Variants in FAM185A observed in about 807,000 individuals in gnomAD.
FAM185A encodes the protein protein FAM185A.
FAM185A carries 21 observed loss-of-function variants against 45.7 expected under a neutral mutation model. The observed-to-expected ratio is 0.46, with a 90% CI of 0.33 to 0.66. FAM185A has a LOEUF of 0.66. Among genes scored for constraint, FAM185A ranks in the 30% least tolerant of loss-of-function variants. The pLI, the probability that FAM185A is intolerant of heterozygous loss-of-function variation, is 0.03. For missense variants in FAM185A, 305 were observed against 485.4 expected, an observed-to-expected ratio of 0.63 and a Z score of 3.49; for synonymous variants, 117 against 194.0, an observed-to-expected ratio of 0.60 and a Z score of 3.30.
intron 4 of FAM185A, among the ~76,000 whole-genome samples, chr7:102,763,724 C>T (rs1451282375): frequency 2.6e-5 from 4 of 152,202 alleles, no homozygotes; most frequent in Non-Finnish European, 5.9e-5. Flanking sequence ...GCCAGCAGTA[C>T]TCCAATAGCT....
rs1451554536 is a variant in FAM185A, at chr7:102,761,317, T to C, written c.699T>C (p.Ser233=). Residue 233 remains serine (S), a synonymous_variant, in exon 4 of 8, where the codon TCT becomes TCC. Transcript: ENST00000413034. The part of the protein sequence containing the change: ...DKLQGSSVTV[S]TEDGLLKAKY... The stretch of plus-strand genomic sequence containing the variant: ...TGCAGGGAAGTTCTGTTACTGTATC[T>C]ACCGAAGATGGTTTGCTGAAAGCCA... 4.5e-6 allele frequency: 7 copies of C among 1,547,392 alleles called. No individual in the cohort carries two copies. The Admixed American group carries it at 8.0e-5, about 18-fold the overall frequency.
At chr7:102,828,314 G>A in the FAM185A span, among the ~76,000 whole-genome samples, 1 of 152,114 alleles carries the variant, frequency 6.6e-6, no homozygotes, top group Non-Finnish European at 1.5e-5. Context: ...TTGTAAGTTG[G>A]ATTCCTAGGT....
At chr7:102,767,849 T>C (rs1392288648) in intron 4 of FAM185A, among the ~76,000 whole-genome samples, 1 of 146,220 alleles carries the variant, frequency 6.8e-6, no homozygotes, top group Non-Finnish European at 1.5e-5. Flanking sequence ...TTTTATTTGC[T>C]GTTTCTGATA....
At chr7:102,824,168 G>A in the FAM185A span, among the ~76,000 whole-genome samples, 1 of 152,178 alleles carries the variant, frequency 6.6e-6, no homozygotes, top group Non-Finnish European at 1.5e-5. Context: ...AACTACAGAT[G>A]GAAACAACTT....
intron 7 of FAM185A, among the ~76,000 whole-genome samples, chr7:102,787,768 ATATAT>A (rs1325592503): frequency 6.6e-6 from 1 of 152,246 alleles, no homozygotes; most frequent in Non-Finnish European, 1.5e-5. Context: ...AACTGAATAC[ATATAT>A]TATAATGCAA....
the FAM185A span, among the ~76,000 whole-genome samples, chr7:102,827,545 C>G: frequency 6.6e-6 from 1 of 151,668 alleles, no homozygotes; most frequent in African/African-American, 2.4e-5. Context: ...TTTTTTTATA[C>G]TTTAAGTTTT....
the FAM185A span, among the ~76,000 whole-genome samples, chr7:102,846,880 A>G: frequency 2.0e-5 from 3 of 152,174 alleles, no homozygotes; most frequent in East Asian, 3.8e-4. Flanking sequence ...CACAGGCTCA[A>G]TGCTCACTGA....
chr7:102,783,295 C>G (rs1795536647), intron 6 of FAM185A, among the ~76,000 whole-genome samples: 1 of 152,114 alleles, frequency 6.6e-6, no homozygotes, highest in Non-Finnish European at 1.5e-5. Context: ...CTGCACCAAG[C>G]AGACCTAATA....
intron 6 of FAM185A, among the ~76,000 whole-genome samples, chr7:102,778,817 G>A (rs1795232073): frequency 6.6e-6 from 1 of 152,320 alleles, no homozygotes; most frequent in Non-Finnish European, 1.5e-5. Flanking sequence ...AACTTTTTAA[G>A]AGTAATGGAA....
rs1319194051 is a variant in FAM185A, at chr7:102,749,772, G to C, written c.451+114G>C. 2.8e-6 allele frequency: 4 copies of C among 1,450,330 alleles called. No individual in the cohort carries two copies. The East Asian group carries it at 1.0e-4, about 37-fold the overall frequency. 89.8% of individuals were successfully genotyped at this position (1,450,330 alleles called of 1,614,324 possible). On this transcript the variant is annotated intron_variant, in intron 1 of 7. Transcript: ENST00000413034. ...CCTGGCTCTCTAAACCTAATTTACA[G>C]TTGGCCCCTTCGGAAATGCACCTTT...
downstream of FAM185A, among the ~76,000 whole-genome samples, chr7:102,809,860 G>T (rs1297176951): frequency 6.6e-6 from 1 of 152,156 alleles, no homozygotes; most frequent in Non-Finnish European, 1.5e-5. Context: ...ATTGGATCAT[G>T]TGGGCAGATT....
chr7:102,763,891 C>T (rs542854032), intron 4 of FAM185A, among the ~76,000 whole-genome samples: 11 of 152,310 alleles, frequency 7.2e-5, no homozygotes, highest in Admixed American at 1.3e-4. Context: ...GGAGGTGAAA[C>T]CTGTCGTTAA....
the FAM185A span, among the ~76,000 whole-genome samples, chr7:102,835,049 C>T: frequency 6.6e-6 from 1 of 152,096 alleles, no homozygotes; most frequent in Non-Finnish European, 1.5e-5. Context: ...AATAAAGATG[C>T]ACAAATGTAT....
the FAM185A span, among the ~76,000 whole-genome samples, chr7:102,816,605 A>G: frequency 6.6e-6 from 1 of 152,162 alleles, no homozygotes; most frequent in Non-Finnish European, 1.5e-5. Context: ...GTGTGTTTGC[A>G]CACACGCACC....
intron 2 of FAM185A, chr7:102,755,987 A>G (rs1298053013): frequency 2.3e-6 from 1 of 439,012 alleles, no homozygotes; most frequent in East Asian, 3.8e-5. Flanking sequence ...AAAATAATTA[A>G]AAAATAAAAA....
At chr7:102,755,527 T>C in intron 2 of FAM185A, 1 of 625,866 alleles carries the variant, frequency 1.6e-6, no homozygotes, top group East Asian at 2.7e-5. Context: ...GACCTCCCCA[T>C]TAAGAGACCA....
the FAM185A span, among the ~76,000 whole-genome samples, chr7:102,823,170 C>T: frequency 1.1e-3 from 165 of 152,198 alleles, no homozygotes; most frequent in Non-Finnish European, 1.9e-3. Flanking sequence ...TTTAGTAATA[C>T]CTGTCACACC....
chr7:102,838,472 A>T, the FAM185A span, among the ~76,000 whole-genome samples: 1 of 151,944 alleles, frequency 6.6e-6, no homozygotes, highest in Non-Finnish European at 1.5e-5. Flanking sequence ...TTTTTTTGAG[A>T]CAGAGTGTCA....
Position 102,808,309 on chromosome 7 carries a change from CA to C in FAM185A, c.1089del (p.Lys363AsnfsTer15). The C allele has an allele frequency of 6.4e-7, 1 of 1,551,592 alleles. No homozygotes were observed. On this transcript the variant is annotated frameshift_variant, in exon 8 of 8. Coordinates refer to ENST00000413034, the MANE Select transcript of FAM185A (RefSeq NM_001145268.2). LOFTEE classifies it high-confidence loss of function. ...TTTTAGGACTCATGAATCAAGCAAG[CA>C]AACGTGAAAAATGGATTAAGGCTGA... The part of the protein sequence containing the change: ...TVTGLMNQAS[K>X]REKWIKADAP...
Sources: gnomAD v4.1 joint callset for allele counts (sites outside exome capture counted in the v4.1 genomes callset) on GRCh38, gnomAD v4.1.1 for gene constraint, MANE v1.5 for transcripts, NCBI Gene and HGNC (gene_info 2026-07-23, HGNC 2026-07-21) for gene names.